The following TBC1D5 variants were observed in gnomAD, a reference collection of about 807,000 sequenced individuals.
The protein encoded by TBC1D5 is TBC1 domain family member 5.
A neutral mutation model predicts 100.3 loss-of-function variants in TBC1D5; 75 were observed. The observed-to-expected ratio is 0.75, with a 90% CI of 0.62 to 0.91. The LOEUF is 0.91. Ranked by LOEUF, TBC1D5 falls within the 40% of genes least tolerant of loss-of-function variation. The probability of loss-of-function intolerance (pLI) is 0.00; values close to 1 mark genes in which losing one functional copy is unlikely to be tolerated. For missense variants in TBC1D5, 910 were observed against 942.4 expected (o/e 0.97, Z 0.45); for synonymous variants, 323 against 325.6 (o/e 0.99, Z 0.09).
At chr3:17,192,164 A>G (rs913218574) in intron 18 of TBC1D5, among the ~76,000 whole-genome samples, 2 of 152,086 alleles carry the variant, frequency 1.3e-5, no homozygotes, top group East Asian at 1.9e-4. Context: ...ATTTTCTACA[A>G]TGAAATTGGA....
intron 18 of TBC1D5, among the ~76,000 whole-genome samples, chr3:17,213,262 T>C (rs2073198941): frequency 1.3e-5 from 2 of 152,200 alleles, no homozygotes; most frequent in African/African-American, 4.8e-5. Context: ...GGCGGTACCA[T>C]GTAGTTTGTA....
intron 17 of TBC1D5, among the ~76,000 whole-genome samples, chr3:17,235,673 G>A (rs2075799867): frequency 6.6e-6 from 1 of 152,182 alleles, no homozygotes; most frequent in Non-Finnish European, 1.5e-5. Flanking sequence ...AGACTCTCCA[G>A]GGATTAGCCC....
intron 13 of TBC1D5, among the ~76,000 whole-genome samples, chr3:17,343,379 T>C (rs1014980736): frequency 5.3e-5 from 8 of 152,038 alleles, no homozygotes; most frequent in Non-Finnish European, 1.0e-4. Flanking sequence ...CAGTATTTTA[T>C]TGAGGATTTT....
intron 21 of TBC1D5, among the ~76,000 whole-genome samples, chr3:17,164,220 G>A (rs1278675158): frequency 6.6e-6 from 1 of 152,192 alleles, no homozygotes; most frequent in African/African-American, 2.4e-5. Context: ...TTCCCACAAA[G>A]GAAGAACACT....
intron 2 of TBC1D5, among the ~76,000 whole-genome samples, chr3:17,619,280 A>G (rs1418189097): frequency 6.6e-6 from 1 of 152,204 alleles, no homozygotes; most frequent in Admixed American, 6.5e-5. Context: ...TGAAGTTCAA[A>G]TGGAAAAAGT....
At chr3:17,208,533 T>C (rs2072539161) in intron 18 of TBC1D5, among the ~76,000 whole-genome samples, 1 of 152,240 alleles carries the variant, frequency 6.6e-6, no homozygotes, top group African/African-American at 2.4e-5. Context: ...AAGATAAAAC[T>C]ATTACTTGGA....
intron 2 of TBC1D5, among the ~76,000 whole-genome samples, chr3:17,547,395 C>T (rs1284406654): frequency 2.6e-5 from 4 of 152,014 alleles, no homozygotes; most frequent in African/African-American, 4.8e-5. Flanking sequence ...CTACTGTTAC[C>T]ATACCTAACC....
chr3:17,550,386 A>G (rs775528654), intron 2 of TBC1D5, among the ~76,000 whole-genome samples: 1 of 152,210 alleles, frequency 6.6e-6, no homozygotes, highest in African/African-American at 2.4e-5. Flanking sequence ...TCCACTGCCT[A>G]TAATTTCAGT....
chr3:17,344,736 A>G (rs1469603236), intron 13 of TBC1D5, among the ~76,000 whole-genome samples: 1 of 152,204 alleles, frequency 6.6e-6, no homozygotes, highest in Non-Finnish European at 1.5e-5. Flanking sequence ...TCAATGGAAC[A>G]GAACAGAGCC....
At chr3:17,335,810 A>C (rs1393396964) in intron 13 of TBC1D5, among the ~76,000 whole-genome samples, 1 of 152,166 alleles carries the variant, frequency 6.6e-6, no homozygotes, top group East Asian at 1.9e-4. Flanking sequence ...TCATCTAGAC[A>C]GAAGAGACAA....
At chr3:17,606,401 G>C (rs573148047) in intron 2 of TBC1D5, among the ~76,000 whole-genome samples, 1 of 152,244 alleles carries the variant, frequency 6.6e-6, no homozygotes, top group East Asian at 1.9e-4. Flanking sequence ...AGTGAGCGGT[G>C]ATTGCACTGC....
rs185059599 is a variant in TBC1D5, at chr3:17,172,913, T to A, written c.1853-5085A>T. ...AGAAAGGGGACAAAAGCAGAACATCTGGCTTTAACAGAGGTGGAACTGGGC... is the reference window on the plus strand; with the variant it reads ...AGAAAGGGGACAAAAGCAGAACATCAGGCTTTAACAGAGGTGGAACTGGGC... On this transcript the variant is annotated intron_variant, in intron 19 of 21. Coordinates refer to ENST00000253692, the Ensembl canonical transcript of TBC1D5. Among the ~76,000 whole-genome samples the A allele has an allele frequency of 1.2e-3, 186 of 152,306 alleles. 1 individual carries two copies. The highest frequency in any genetic ancestry group is 4.1e-3 in the African/African-American group (171 of 41,584).
At chr3:17,736,664 A>C (rs919005909) in intron 1 of TBC1D5, among the ~76,000 whole-genome samples, 1 of 152,146 alleles carries the variant, frequency 6.6e-6, no homozygotes, top group African/African-American at 2.4e-5. Flanking sequence ...ACTCCTCTAG[A>C]ACTTCTGCCA....
At chr3:17,362,078 T>G (rs1054877159) in intron 13 of TBC1D5, among the ~76,000 whole-genome samples, 4 of 152,100 alleles carry the variant, frequency 2.6e-5, no homozygotes, top group Non-Finnish European at 5.9e-5. Flanking sequence ...TCTGAAATAA[T>G]TGGATATTCA....
At chr3:17,320,377 C>T (rs2085257237) in intron 13 of TBC1D5, among the ~76,000 whole-genome samples, 1 of 152,178 alleles carries the variant, frequency 6.6e-6, no homozygotes, top group Non-Finnish European at 1.5e-5. Flanking sequence ...AGGCAAAGTT[C>T]AGCAATCTGT....
At chr3:17,580,745 T>G (rs1207399818) in intron 2 of TBC1D5, among the ~76,000 whole-genome samples, 8 of 152,172 alleles carry the variant, frequency 5.3e-5, no homozygotes, top group Admixed American at 3.3e-4. Flanking sequence ...TAACTTCACC[T>G]ATAAATAAGA....
intron 15 of TBC1D5, among the ~76,000 whole-genome samples, chr3:17,260,305 G>T (rs963496033): frequency 1.3e-5 from 2 of 151,974 alleles, no homozygotes; most frequent in African/African-American, 4.8e-5. Context: ...GTTACTTTTT[G>T]CCATAAAATA....
rs33956978 is a variant in TBC1D5, at chr3:17,602,561, A to ATTTTTTTTTTTTTTTTT, written c.-36+21271_-36+21287dup. 1.5e-4 allele frequency among the ~76,000 whole-genome samples: 11 copies of ATTTTTTTTTTTTTTTTT among 74,516 alleles called. 1 individual carries two copies. Among genetic ancestry groups the ATTTTTTTTTTTTTTTTT allele is most frequent in the East Asian group, 8.0e-4 (2 of 2,514 alleles). The allele number at this position is 74,516 out of a possible 152,430, so 48.9% of individuals were successfully genotyped here. A position where few individuals can be genotyped will look rare whatever the true frequency, so the allele number is the denominator to read the frequency against. Reference sequence around the variant, plus strand: ...TTATGCCATAATACGAGAGAATCAGATTTTTTTTTTTTTTTTTTTTTTTTT... The same window carrying ATTTTTTTTTTTTTTTTT: ...TTATGCCATAATACGAGAGAATCAGATTTTTTTTTTTTTTTTTTTTTTTTTTTTTTTTTTTTTTTTTT... On this transcript the variant is annotated intron_variant, in intron 2 of 21. Transcript: ENST00000253692.
At chr3:17,660,428 C>T (rs1308277530) in intron 1 of TBC1D5, among the ~76,000 whole-genome samples, 3 of 152,202 alleles carry the variant, frequency 2.0e-5, no homozygotes, top group Non-Finnish European at 4.4e-5. Context: ...ATAATACCAT[C>T]CTTCCTGCAA....
Sources: allele counts gnomAD v4.1 joint callset (sites outside exome capture counted in the v4.1 genomes callset), GRCh38; gene constraint gnomAD v4.1.1; transcripts MANE v1.5; gene names NCBI Gene and HGNC (gene_info 2026-07-23, HGNC 2026-07-21).